The following ARHGEF7 variants were observed in gnomAD, a reference collection of about 807,000 sequenced individuals.
ARHGEF7 encodes the protein PAK-interacting exchange factor beta.
A neutral mutation model predicts 109.8 loss-of-function variants in ARHGEF7; 33 were observed. That is an observed-to-expected ratio of 0.30 (90% CI 0.23 to 0.40). The LOEUF (loss-of-function observed/expected upper bound fraction) is 0.40, where lower values mean the gene tolerates loss of function less well. ARHGEF7 is among the 10% of genes least tolerant of loss of function. The pLI is 1.00. For synonymous variants in ARHGEF7, 458 were observed against 424.6 expected, an observed-to-expected ratio of 1.08 and a Z score of -0.97; for missense variants, 938 against 1,098.5, an observed-to-expected ratio of 0.85 and a Z score of 2.07.
In ARHGEF7 at chr13:111,159,727, TTTG is replaced by T. The variant is rs1235795596; in HGVS notation, c.252+5739_252+5741del. Among the ~76,000 whole-genome samples, 3 of 152,350 alleles carry T rather than the reference TTTG, an allele frequency of 2.0e-5. No individual in the cohort carries two copies. The East Asian group carries it at 5.8e-4, about 29-fold the overall frequency. On this transcript the variant is annotated intron_variant, in intron 2 of 21. Transcript: ENST00000646102. ...TCATCATTTTTTAATCAGGTTTTTT[TTTG>T]TTACTGAGTTTTTAAATATATTTTG...
Position 111,115,641 on chromosome 13 carries a change from G to C in ARHGEF7, c.115G>C (p.Val39Leu). 1 of 1,385,416 alleles carries C rather than the reference G, an allele frequency of 7.2e-7. No homozygotes were observed. Among genetic ancestry groups the C allele is most frequent in the Non-Finnish European group, 9.5e-7 (1 of 1,055,660 alleles). The allele number at this position is 1,385,416 out of a possible 1,614,324, so 85.8% of individuals were successfully genotyped here. Residue 39 changes from valine to leucine, a missense_variant, in exon 1 of 22, where the codon GTG becomes CTG. Transcript: ENST00000646102. ...TCTGCAGGCGTCGCTGAAGGATGGGGTGGTCCTCTGCAGGCTGCTGGAGCG... is the reference window on the plus strand; with the variant it reads ...TCTGCAGGCGTCGCTGAAGGATGGGCTGGTCCTCTGCAGGCTGCTGGAGCG... ...GFLQASLKDGVVLCRLLERLL... is the reference protein window; with the variant it reads ...GFLQASLKDGLVLCRLLERLL...
intron 8 of ARHGEF7, among the ~76,000 whole-genome samples, chr13:111,264,960 T>G (rs1236389515): frequency 6.6e-6 from 1 of 151,786 alleles, no homozygotes; most frequent in Admixed American, 6.6e-5. Context: ...TGTTATCTAG[T>G]CTAGAAGGGA....
chr13:111,142,966 C>T (rs1014261960), intron 1 of ARHGEF7, among the ~76,000 whole-genome samples: 8 of 152,218 alleles, frequency 5.3e-5, no homozygotes, highest in African/African-American at 1.9e-4. Flanking sequence ...AGGAACAAAA[C>T]ACTGCATGAC....
chr13:111,283,907 G>A (rs78627074), intron 16 of ARHGEF7, among the ~76,000 whole-genome samples: 3,259 of 152,106 alleles, frequency 0.021, 120 homozygotes, highest in African/African-American at 0.075. Context: ...GTTCTCATCC[G>A]GCATTTTTAT....
chr13:111,301,037 C>T (rs2093554413), intron 20 of ARHGEF7, among the ~76,000 whole-genome samples, 190 bp downstream of exon 20: 1 of 152,104 alleles, frequency 6.6e-6, no homozygotes, highest in South Asian at 2.1e-4. Flanking sequence ...CAACCTCCAC[C>T]TTCCGGGTTC....
intron 2 of ARHGEF7, among the ~76,000 whole-genome samples, chr13:111,196,189 T>A (rs1157286659): frequency 6.6e-6 from 1 of 152,212 alleles, no homozygotes; most frequent in Non-Finnish European, 1.5e-5. Flanking sequence ...ATGGGCTTTT[T>A]CCTAACTCTC....
At chr13:111,177,663 C>A (rs1313355645) in intron 2 of ARHGEF7, among the ~76,000 whole-genome samples, 3 of 152,204 alleles carry the variant, frequency 2.0e-5, no homozygotes, top group African/African-American at 7.2e-5. Context: ...GTCCTTGGGA[C>A]TGTCACTGGG....
Position 111,288,425 on chromosome 13 carries a change from A to C in ARHGEF7, c.2116A>C (p.Arg706=). The part of the protein sequence containing the change: ...IEAYCTSAKT[R]QTLNSTWQGT... ...AGCTTACTGCACCAGCGCCAAAACA[A>C]GGCAAACACTCAATTCAAGTAAGTT... Residue 706 remains arginine, a synonymous_variant, in exon 18 of 22, where the codon AGG becomes CGG. Coordinates refer to ENST00000646102, the MANE Select transcript of ARHGEF7 (RefSeq NM_001354046.2). 1 of 1,613,266 alleles carries C rather than the reference A, an allele frequency of 6.2e-7. No individual in the cohort carries two copies. Among genetic ancestry groups the C allele is most frequent in the Middle Eastern group, 1.7e-4 (1 of 6,060 alleles).
intron 19 of ARHGEF7, chr13:111,294,018 A>G (rs2093365085): frequency 4.1e-6 from 4 of 985,426 alleles, no homozygotes; most frequent in Non-Finnish European, 4.8e-6. Flanking sequence ...TTTGTTCCCA[A>G]GTAGCTACTG....
chr13:111,274,019 TGAAA>T lies in ARHGEF7; in HGVS notation c.1212+73_1212+76del, dbSNP rs2092336634. 3.2e-6 allele frequency: 5 copies of T among 1,547,242 alleles called. No homozygotes were observed. The East Asian group carries it at 1.1e-4, about 35-fold the overall frequency. On this transcript the variant is annotated intron_variant, in intron 10 of 21. Coordinates refer to ENST00000646102, the MANE Select transcript of ARHGEF7 (RefSeq NM_001354046.2). Reference sequence around the variant, plus strand: ...GTTAGTGGCATGGTCAGACTTACTGTGAAAGAAAGTATTATTCATGATTTATTTT... The same window carrying T: ...GTTAGTGGCATGGTCAGACTTACTGTGAAAGTATTATTCATGATTTATTTT...
At chr13:111,199,826 C>T (rs2081001473) in intron 2 of ARHGEF7, among the ~76,000 whole-genome samples, 1 of 152,188 alleles carries the variant, frequency 6.6e-6, no homozygotes, top group African/African-American at 2.4e-5. Context: ...CAGGAACAAT[C>T]AGCCTGGGCC....
chr13:111,299,824 C>A (rs77251422), intron 19 of ARHGEF7, among the ~76,000 whole-genome samples: 2,369 of 152,238 alleles, frequency 0.016, 59 homozygotes, highest in African/African-American at 0.054. Context: ...AGTTAGCGAG[C>A]GTGTCTCCAA....
chr13:111,229,553 G>A (rs898007885), intron 5 of ARHGEF7, among the ~76,000 whole-genome samples: 1 of 152,090 alleles, frequency 6.6e-6, no homozygotes, highest in African/African-American at 2.4e-5. Context: ...ATTACATTAG[G>A]TCTTGATTTT....
intron 2 of ARHGEF7, among the ~76,000 whole-genome samples, chr13:111,167,653 C>T (rs550870619): frequency 1.4e-4 from 21 of 152,314 alleles, no homozygotes; most frequent in African/African-American, 4.8e-4. Context: ...GCATTCTGAG[C>T]AAACAGAGTG....
chr13:111,126,648 G>T (rs148541623), intron 1 of ARHGEF7, among the ~76,000 whole-genome samples: 1 of 152,296 alleles, frequency 6.6e-6, no homozygotes, highest in East Asian at 1.9e-4. Flanking sequence ...GATGACAAAT[G>T]GAGAAAAATA....
At chr13:111,222,783 C>G (rs950695306) in intron 5 of ARHGEF7, among the ~76,000 whole-genome samples, 1 of 152,132 alleles carries the variant, frequency 6.6e-6, no homozygotes, top group African/African-American at 2.4e-5. Flanking sequence ...CATTTTTTAC[C>G]GTGTTACTCT....
chr13:111,178,326 A>G (rs1303312000), intron 2 of ARHGEF7, among the ~76,000 whole-genome samples: 2 of 152,148 alleles, frequency 1.3e-5, no homozygotes, highest in Non-Finnish European at 2.9e-5. Context: ...CCATATTTAG[A>G]TGTGCAGTCT....
chr13:111,223,742 T>C (rs958470532), intron 5 of ARHGEF7, among the ~76,000 whole-genome samples: 20 of 152,248 alleles, frequency 1.3e-4, no homozygotes, highest in Admixed American at 2.0e-4. Flanking sequence ...TCAAAAGCAT[T>C]GTATATTATT....
At chr13:111,250,118 C>T (rs1371049861) in intron 8 of ARHGEF7, among the ~76,000 whole-genome samples, 1 of 152,198 alleles carries the variant, frequency 6.6e-6, no homozygotes, top group African/African-American at 2.4e-5. Flanking sequence ...CACAGTTCTT[C>T]CTTTCATCAG....
Sources: allele counts gnomAD v4.1 joint callset (sites outside exome capture counted in the v4.1 genomes callset), GRCh38; gene constraint gnomAD v4.1.1; transcripts MANE v1.5; gene names NCBI Gene and HGNC (gene_info 2026-07-23, HGNC 2026-07-21).